Variants in COP1 observed in about 807,000 individuals in gnomAD.
COP1 encodes E3 ubiquitin-protein ligase COP1.
COP1 carries 24 observed loss-of-function variants against 101.3 expected under a neutral mutation model. That is an observed-to-expected ratio of 0.24 (90% confidence interval 0.17 to 0.33). The LOEUF is 0.33. Ranked by LOEUF, COP1 falls within the 10% of genes least tolerant of loss-of-function variation. The pLI, the probability that COP1 is intolerant of heterozygous loss-of-function variation, is 1.00. For missense variants in COP1, 663 were observed against 906.2 expected (o/e 0.73, Z 3.45); for synonymous variants, 347 against 341.9 (o/e 1.01, Z -0.17).
chr1:176,065,704 AT>A (rs1203707183), intron 11 of COP1, among the ~76,000 whole-genome samples: 3,486 of 114,414 alleles, frequency 0.03, 128 homozygotes, highest in Admixed American at 0.068. Flanking sequence ...GGGGATAATG[AT>A]TTTTTTTTTT....
rs58558332 is a variant in COP1, at chr1:176,118,713, C to T, written c.969-2032G>A. On this transcript the variant is annotated intron_variant, in intron 8 of 19. Coordinates refer to ENST00000367669, the MANE Select transcript of COP1 (RefSeq NM_022457.7). ...CAAGGCTGCAATGAGCTATGCATCG[C>T]TGCATTCCAGCCTGGGCAAGAGAGA... Among the ~76,000 whole-genome samples, 943 of 152,256 alleles carry T rather than the reference C, an allele frequency of 6.2e-3. 14 individuals carry two copies. Among genetic ancestry groups the T allele is most frequent in the African/African-American group, 0.021 (890 of 41,548 alleles).
Position 176,005,567 on chromosome 1 carries a change from T to G in COP1, c.1730-16088A>C, listed in dbSNP as rs868147591. The stretch of plus-strand genomic sequence containing the variant: ...GTATGTTGTGTCTTTGTTCTTGTTG[T>G]TTTCAAAGAACATCTTTATTTCTGC... On this transcript the variant is annotated intron_variant, in intron 15 of 19. Coordinates refer to ENST00000367669, the MANE Select transcript of COP1 (RefSeq NM_022457.7). 2.4e-3 allele frequency among the ~76,000 whole-genome samples: 365 copies of G among 152,228 alleles called. 3 individuals carry two copies. Among genetic ancestry groups the G allele is most frequent in the African/African-American group, 8.3e-3 (345 of 41,496 alleles).
intron 1 of COP1, among the ~76,000 whole-genome samples, chr1:176,200,823 T>C (rs1700192469): frequency 1.3e-5 from 2 of 152,140 alleles, no homozygotes; most frequent in Admixed American, 1.3e-4. Flanking sequence ...CAAAGACAAG[T>C]CTGCACAAAA....
intron 1 of COP1, among the ~76,000 whole-genome samples, chr1:176,188,832 G>GAT (rs1553314470): frequency 2.9e-5 from 2 of 70,100 alleles, no homozygotes; most frequent in Non-Finnish European, 7.3e-5. Context: ...AAAACACATA[G>GAT]ATACACACAC....
chr1:176,037,013 A>G (rs1392799990), intron 14 of COP1, among the ~76,000 whole-genome samples: 1 of 152,202 alleles, frequency 6.6e-6, no homozygotes, highest in Non-Finnish European at 1.5e-5. Context: ...TTAGTTCGAA[A>G]TCTACTAAGG....
rs1690223043 is a variant in COP1 at position 176,138,983 on chromosome 1, T to C, written c.832-2436A>G. 2.0e-5 allele frequency among the ~76,000 whole-genome samples: 3 copies of C among 152,274 alleles called. No individual in the cohort carries two copies. In the South Asian group the frequency reaches 6.2e-4, roughly 32 times the overall value. On this transcript the variant is annotated intron_variant, in intron 6 of 19. Transcript: ENST00000367669. ...ATGCTTTACTATATATAAGAGGTCT[T>C]TAGAATAATTGCTTTAAAAAATACA... is the stretch of plus-strand genomic sequence containing the variant.
chr1:176,177,636 A>T (rs1388673826), intron 2 of COP1, among the ~76,000 whole-genome samples: 3 of 152,170 alleles, frequency 2.0e-5, no homozygotes, highest in Non-Finnish European at 2.9e-5. Context: ...AAGAAATTAC[A>T]AAGGTGATCT....
At chr1:176,151,768 T>C (rs1374438552) in intron 5 of COP1, among the ~76,000 whole-genome samples, 1 of 152,200 alleles carries the variant, frequency 6.6e-6, no homozygotes, top group Non-Finnish European at 1.5e-5. Flanking sequence ...TAGATGTCTT[T>C]CCAACTGGGA....
At chr1:176,067,581 C>T (rs1676220730) in intron 11 of COP1, among the ~76,000 whole-genome samples, 1 of 152,062 alleles carries the variant, frequency 6.6e-6, no homozygotes, top group South Asian at 2.1e-4. Context: ...AGGGGAAACC[C>T]ACTTTCCCAC....
chr1:175,983,725 G>C (rs932792671), intron 18 of COP1, among the ~76,000 whole-genome samples: 1 of 152,186 alleles, frequency 6.6e-6, no homozygotes, highest in Non-Finnish European at 1.5e-5. Flanking sequence ...TGACCAAAAT[G>C]CTGATAATGA....
intron 9 of COP1, among the ~76,000 whole-genome samples, chr1:176,097,699 T>C (rs1682659208): frequency 6.6e-6 from 1 of 151,838 alleles, no homozygotes; most frequent in Non-Finnish European, 1.5e-5. Context: ...TGAAACCCCA[T>C]CTCTACTAAA....
At chr1:176,075,363 A>C (rs1476983259) in intron 11 of COP1, among the ~76,000 whole-genome samples, 1 of 152,234 alleles carries the variant, frequency 6.6e-6, no homozygotes, top group East Asian at 1.9e-4. Flanking sequence ...ATACATAATA[A>C]ATTCAAATCT....
intron 14 of COP1, among the ~76,000 whole-genome samples, chr1:176,033,161 C>T (rs994755550): frequency 2.0e-5 from 3 of 152,104 alleles, no homozygotes; most frequent in African/African-American, 7.2e-5. Flanking sequence ...CCTGTAATCC[C>T]AGCACCTTGG....
intron 11 of COP1, among the ~76,000 whole-genome samples, chr1:176,047,855 C>T (rs1671772168): frequency 6.6e-6 from 1 of 151,984 alleles, no homozygotes; most frequent in Non-Finnish European, 1.5e-5. Context: ...TGGGAGGATC[C>T]CTTGAGTCCA....
rs193132528 is a variant in COP1, at chr1:176,147,276, A to G, written c.831+1730T>C. On this transcript the variant is annotated intron_variant, in intron 6 of 19. Transcript: ENST00000367669. ...CACTTCAATCTGTCTGCACTAAAACATATTTTCTAGACTAAAGCTTATTAT... is the reference window on the plus strand; with the variant it reads ...CACTTCAATCTGTCTGCACTAAAACGTATTTTCTAGACTAAAGCTTATTAT... Among the ~76,000 whole-genome samples the G allele has an allele frequency of 3.0e-3, 457 of 152,284 alleles. 2 individuals carry two copies. Among genetic ancestry groups the G allele is most frequent in the African/African-American group, 0.01 (430 of 41,560 alleles).
chr1:176,018,149 T>C (rs1666009503), intron 15 of COP1, among the ~76,000 whole-genome samples: 1 of 152,200 alleles, frequency 6.6e-6, no homozygotes, highest in African/African-American at 2.4e-5. Flanking sequence ...TTAGCTATTA[T>C]TATTTACCCT....
At chr1:176,044,712 T>C (rs922909801) in intron 12 of COP1, among the ~76,000 whole-genome samples, 7 of 152,234 alleles carry the variant, frequency 4.6e-5, no homozygotes, top group Non-Finnish European at 8.8e-5. Context: ...TTTAGTACAC[T>C]TTCACAGTAG....
chr1:176,147,411 T>G (rs1453158344), intron 6 of COP1, among the ~76,000 whole-genome samples: 1 of 152,196 alleles, frequency 6.6e-6, no homozygotes, highest in East Asian at 1.9e-4. Context: ...CAGAATTTCT[T>G]GTGTAATTAA....
chr1:176,095,792 A>T (rs938111247), intron 9 of COP1, among the ~76,000 whole-genome samples: 3 of 152,232 alleles, frequency 2.0e-5, no homozygotes, highest in Non-Finnish European at 4.4e-5. Context: ...GCACAAATAA[A>T]GGCAACAGCA....
Sources: allele counts gnomAD v4.1 joint callset (sites outside exome capture counted in the v4.1 genomes callset), GRCh38; gene constraint gnomAD v4.1.1; transcripts MANE v1.5; gene names NCBI Gene and HGNC (gene_info 2026-07-23, HGNC 2026-07-21).